COXFA4: variants seen among roughly 807,000 people sequenced by gnomAD.
The protein encoded by COXFA4 is cytochrome c oxidase subunit FA4.
the COXFA4 span, chr7:10,933,315 C>T: frequency 3.4e-6 from 1 of 291,640 alleles, no homozygotes; most frequent in East Asian, 8.2e-5. Context: ...AGTCTATACA[C>T]AAAATGGAAG....
At chr7:10,938,255 G>A in the COXFA4 span, 2 of 955,604 alleles carry the variant, frequency 2.1e-6, no homozygotes, top group Admixed American at 2.1e-5. Context: ...ATTAGATGAG[G>A]TATGGTGTTA....
chr7:10,932,725 C>G, the COXFA4 span: 1 of 151,940 alleles, frequency 6.6e-6, no homozygotes, highest in African/African-American at 2.4e-5. Context: ...ATCCCAGCAC[C>G]CTGGGAGGCT....
chr7:10,937,987 T>A, the COXFA4 span: 2 of 910,620 alleles, frequency 2.2e-6, no homozygotes, highest in East Asian at 4.8e-5. Context: ...AAGTTCAATA[T>A]AATGGAATTT....
chr7:10,931,998 A>G, the COXFA4 span: 1 of 152,184 alleles, frequency 6.6e-6, no homozygotes, highest in African/African-American at 2.4e-5. Context: ...TTTCAATTAC[A>G]TGACACACTG....
At chr7:10,938,228 G>C in the COXFA4 span, 39 of 1,247,464 alleles carry the variant, frequency 3.1e-5, no homozygotes, top group Middle Eastern at 5.3e-4. Context: ...TTTTTGAACA[G>C]ATCAATCTTA....
chr7:10,933,777 T>C, the COXFA4 span: 1 of 967,608 alleles, frequency 1.0e-6, no homozygotes, highest in Non-Finnish European at 1.6e-6. Context: ...TATTTGGTTT[T>C]CTACAGTAAC....
the COXFA4 span, chr7:10,938,074 C>T: frequency 6.2e-7 from 1 of 1,610,522 alleles, no homozygotes. Context: ...AACTTTAAAA[C>T]AATTTTGTAG....
At chr7:10,937,930 G>C in the COXFA4 span, 1 of 623,970 alleles carries the variant, frequency 1.6e-6, no homozygotes, top group African/African-American at 1.8e-5. Flanking sequence ...ATATTTATTA[G>C]AGCAATATAC....
chr7:10,938,443 T>C, the COXFA4 span: 2 of 445,236 alleles, frequency 4.5e-6, no homozygotes, highest in African/African-American at 3.9e-5. Flanking sequence ...TAATGATGAA[T>C]CAATCTTTTG....
the COXFA4 span, chr7:10,939,060 C>T: frequency 1.7e-6 from 1 of 582,626 alleles, no homozygotes; most frequent in East Asian, 3.0e-5. Flanking sequence ...GGTAAGATTT[C>T]TTATAACTGT....
At chr7:10,939,953 A>G in the COXFA4 span, 4 of 1,585,790 alleles carry the variant, frequency 2.5e-6, no homozygotes, top group Non-Finnish European at 3.5e-6. Context: ...AGGGAACAGA[A>G]AGAGGCGCAC....
At chr7:10,939,768 G>GA in the COXFA4 span, 3 of 576,718 alleles carry the variant, frequency 5.2e-6, no homozygotes, top group Non-Finnish European at 9.3e-6. Flanking sequence ...TCACTAACTA[G>GA]AAAAAACTAG....
chr7:10,939,486 A>G, the COXFA4 span: 1 of 177,630 alleles, frequency 5.6e-6, no homozygotes, highest in Non-Finnish European at 1.2e-5. Flanking sequence ...CTGAGGAAAA[A>G]TGAGATGCCA....
the COXFA4 span, among the ~76,000 whole-genome samples, chr7:10,937,290 G>T: frequency 1.6e-3 from 230 of 145,012 alleles, no homozygotes; most frequent in African/African-American, 5.6e-3. Flanking sequence ...GGTTTTTTGG[G>T]TTTTTTTTTT....
At chr7:10,937,336 G>A in the COXFA4 span, among the ~76,000 whole-genome samples, 1 of 151,768 alleles carries the variant, frequency 6.6e-6, no homozygotes, top group African/African-American at 2.4e-5. Context: ...AGGTTGGAGT[G>A]CAGTGGCGTG....
the COXFA4 span, among the ~76,000 whole-genome samples, chr7:10,934,678 T>C: frequency 6.6e-6 from 1 of 152,204 alleles, no homozygotes; most frequent in Non-Finnish European, 1.5e-5. Flanking sequence ...ACCCCTTTTA[T>C]TTCTTCAAAT....
At chr7:10,934,117 G>A in the COXFA4 span, among the ~76,000 whole-genome samples, 24,432 of 152,004 alleles carry the variant, frequency 0.16, 2,602 homozygotes, top group African/African-American at 0.3. Context: ...ATGAACTGCT[G>A]TAATTTAGAG....
At chr7:10,939,144 G>C in the COXFA4 span, 1 of 397,548 alleles carries the variant, frequency 2.5e-6, no homozygotes, top group Non-Finnish European at 4.7e-6. Flanking sequence ...TTTTTAATGT[G>C]GAGCAAATTA....
the COXFA4 span, chr7:10,939,663 T>C: frequency 8.7e-6 from 3 of 342,998 alleles, no homozygotes; most frequent in East Asian, 6.4e-5. Flanking sequence ...ATAGGGAACC[T>C]GACCTATGCT....
Sources: gnomAD v4.1 joint callset for allele counts (sites outside exome capture counted in the v4.1 genomes callset) on GRCh38, gnomAD v4.1.1 for gene constraint, MANE v1.5 for transcripts, NCBI Gene and HGNC (gene_info 2026-07-23, HGNC 2026-07-21) for gene names.